Variants in FAM135A observed in about 807,000 individuals in gnomAD.
FAM135A encodes protein FAM135A.
FAM135A carries 79 observed loss-of-function variants against 146.8 expected under a neutral mutation model. The ratio of observed to expected loss-of-function variants is 0.54; its 90% confidence interval spans 0.45 to 0.65. The LOEUF is 0.65. Among genes scored for constraint, FAM135A ranks in the 30% least tolerant of loss-of-function variants. FAM135A has a pLI of 0.00. For missense variants in FAM135A, 1,623 were observed against 1,758.2 expected, an observed-to-expected ratio of 0.92 and a Z score of 1.38; for synonymous variants, 562 against 603.6, an observed-to-expected ratio of 0.93 and a Z score of 1.01.
chr6:70,493,131 A>G (rs1314532528), intron 11 of FAM135A, among the ~76,000 whole-genome samples: 1 of 152,114 alleles, frequency 6.6e-6, no homozygotes, highest in African/African-American at 2.4e-5. Context: ...GAAAATATTT[A>G]TTAATCCATG....
intron 5 of FAM135A, among the ~76,000 whole-genome samples, chr6:70,465,597 C>G (rs577493245): frequency 6.6e-6 from 1 of 152,204 alleles, no homozygotes; most frequent in South Asian, 2.1e-4. Flanking sequence ...CCAGGCTAAT[C>G]TTGAACTCCT....
intron 12 of FAM135A, chr6:70,504,409 C>G (rs986661527): frequency 1.3e-5 from 2 of 151,906 alleles, no homozygotes; most frequent in Admixed American, 6.6e-5. Context: ...TTATTATTTT[C>G]ATTGACTTTA....
intron 20 of FAM135A, among the ~76,000 whole-genome samples, chr6:70,553,687 C>CT (rs201024501): frequency 0.13 from 18,874 of 149,702 alleles, 1,426 homozygotes; most frequent in Middle Eastern, 0.17. Context: ...ACAATGAAAT[C>CT]TTTTTTTTAA....
chr6:70,474,906 C>T (rs1287452080), intron 5 of FAM135A, among the ~76,000 whole-genome samples: 1 of 152,126 alleles, frequency 6.6e-6, no homozygotes, highest in Non-Finnish European at 1.5e-5. Flanking sequence ...AATCACATGG[C>T]TGGTCTTAGT....
At chr6:70,480,794 T>TGCAAAACC (rs1400215243) in intron 8 of FAM135A, 107 bp from the exon 9 acceptor site, 1 of 1,072,038 alleles carries the variant, frequency 9.3e-7, no homozygotes, top group Admixed American at 3.1e-5. Flanking sequence ...CTTATAAACT[T>TGCAAAACC]GCAAAACCCT....
At chr6:70,544,007 A>G (rs1459172156) in intron 20 of FAM135A, among the ~76,000 whole-genome samples, 2 of 152,132 alleles carry the variant, frequency 1.3e-5, no homozygotes, top group Non-Finnish European at 2.9e-5. Context: ...TCGTTTCCTT[A>G]TTGGTCAATG....
At position 70,515,083 on chromosome 6, in the gene FAM135A, G is replaced by A. The variant is rs961712317; in HGVS notation, c.1030-7430G>A. On this transcript the variant is annotated intron_variant, in intron 12 of 21. Transcript: ENST00000418814. ...CAAGATAACCACCGTATACCTATAA[G>A]AATGGCTATAATCCAAAACACTGAC... Among the ~76,000 whole-genome samples the A allele has an allele frequency of 5.3e-5, 8 of 152,302 alleles. No individual in the cohort carries two copies. The South Asian group carries it at 8.3e-4, about 16-fold the overall frequency.
Position 70,525,310 on chromosome 6 carries a change from AG to A in FAM135A, c.2227del (p.Glu743AsnfsTer5). On this transcript the variant is annotated frameshift_variant, in exon 15 of 22. Transcript: ENST00000418814. LOFTEE classifies it high-confidence loss of function. The stretch of plus-strand genomic sequence containing the variant: ...GTAATCTACCTGCCCCTTCTACAAA[AG>A]AATATCATGTTGTAGTAAGTGGAGA... ...RSNLPAPSTK[E>X]YHVVVSGDTI... is the part of the protein sequence containing the mutation. 1 of 1,609,816 alleles carries A rather than the reference AG, an allele frequency of 6.2e-7. No homozygotes were observed. Among genetic ancestry groups the A allele is most frequent in the Non-Finnish European group, 8.5e-7 (1 of 1,178,214 alleles).
intron 12 of FAM135A, among the ~76,000 whole-genome samples, chr6:70,509,923 C>T (rs185852484): frequency 3.3e-5 from 5 of 152,056 alleles, no homozygotes; most frequent in Non-Finnish European, 5.9e-5. Flanking sequence ...ATTAGAATAC[C>T]GTTTATTATG....
chr6:70,526,155 G>A lies in FAM135A; in HGVS notation c.3071G>A (p.Ser1024Asn), dbSNP rs749227333. Reference protein sequence around the residue: ...TVESETHLGTSDPFSASTDIV... With the variant: ...TVESETHLGTNDPFSASTDIV... ...GAAAGTGAAACTCATCTGGGTACAA[G>A]TGATCCTTTTTCAGCCAGTACTGAT... Residue 1024 changes from serine (S) to asparagine (N), a missense_variant, in exon 15 of 22, where the codon AGT becomes AAT. By Grantham distance (46) the Ser-to-Asn change is conservative (BLOSUM62 1). Around this residue, in one of 7 missense-constraint regions of FAM135A, gnomAD observed 1,061 missense variants for 1,113.8 expected, o/e 0.95. Transcript: ENST00000418814. The A allele has an allele frequency of 6.2e-6, 10 of 1,613,454 alleles. No homozygotes were observed. The South Asian group carries it at 1.1e-4, about 18-fold the overall frequency.
intron 11 of FAM135A, among the ~76,000 whole-genome samples, chr6:70,493,998 G>C (rs945648615): frequency 1.4e-5 from 2 of 146,966 alleles, no homozygotes; most frequent in African/African-American, 5.0e-5. Flanking sequence ...TGGTTACAGT[G>C]AGCCAAGGTC....
intron 12 of FAM135A, 111 bp downstream of exon 12, chr6:70,502,902 G>A: frequency 9.0e-7 from 1 of 1,108,074 alleles, no homozygotes. Context: ...AATCAGAAAA[G>A]AGACATTTGT....
intron 12 of FAM135A, among the ~76,000 whole-genome samples, chr6:70,521,531 T>C (rs1035642111): frequency 1.8e-4 from 27 of 152,214 alleles, no homozygotes; most frequent in Non-Finnish European, 2.1e-4. Context: ...GTTTATCTGC[T>C]TAGGGAAACA....
chr6:70,433,631 T>G (rs1179771632), intron 4 of FAM135A, among the ~76,000 whole-genome samples: 1 of 152,110 alleles, frequency 6.6e-6, no homozygotes, highest in Non-Finnish European at 1.5e-5. Context: ...GACTGATTGG[T>G]CTAAGATGGC....
At chr6:70,455,100 T>G (rs1431481594) in intron 5 of FAM135A, among the ~76,000 whole-genome samples, 2 of 152,134 alleles carry the variant, frequency 1.3e-5, no homozygotes, top group Non-Finnish European at 2.9e-5. Flanking sequence ...CCTCTTTTAT[T>G]TAGTTGAGCA....
intron 11 of FAM135A, among the ~76,000 whole-genome samples, chr6:70,496,684 G>A (rs1424041459): frequency 6.6e-6 from 1 of 152,018 alleles, no homozygotes; most frequent in Non-Finnish European, 1.5e-5. Context: ...TTTTGTATAA[G>A]GTGTAAGGAA....
intron 2 of FAM135A, among the ~76,000 whole-genome samples, chr6:70,425,875 G>A (rs149334914): frequency 0.052 from 7,864 of 151,638 alleles, 546 homozygotes; most frequent in African/African-American, 0.16. Context: ...AGGCCGAGGC[G>A]GGTGGATCAT....
intron 4 of FAM135A, among the ~76,000 whole-genome samples, chr6:70,432,084 T>G (rs1437625242): frequency 6.6e-6 from 1 of 152,154 alleles, no homozygotes; most frequent in East Asian, 1.9e-4. Context: ...CACGGTGTTG[T>G]GTATTAACAA....
chr6:70,420,863 A>G (rs1003038410), intron 2 of FAM135A, among the ~76,000 whole-genome samples: 1 of 151,302 alleles, frequency 6.6e-6, no homozygotes, highest in African/African-American at 2.4e-5. Context: ...TACTTACAGC[A>G]TACCTCAGCA....
Sources: gnomAD v4.1 joint callset for allele counts (sites outside exome capture counted in the v4.1 genomes callset) on GRCh38, gnomAD v4.1.1 for gene constraint, gnomAD v4.1.1 regional missense constraint, MANE v1.5 for transcripts, NCBI Gene and HGNC (gene_info 2026-07-23, HGNC 2026-07-21) for gene names.